ZNF226: variants seen among roughly 807,000 people sequenced by gnomAD.
The protein encoded by ZNF226 is Kruppel-associated box protein.
A neutral mutation model predicts 11.4 loss-of-function variants in ZNF226; 6 were observed. That is an observed-to-expected ratio of 0.53 (90% CI 0.29 to 1.04). The LOEUF (loss-of-function observed/expected upper bound fraction) is 1.04. ZNF226 is among the 50% of genes least tolerant of loss of function. The pLI is 0.08. For missense variants in ZNF226, 1,058 were observed against 956.5 expected, an observed-to-expected ratio of 1.11 and a Z score of -1.40; for synonymous variants, 350 against 322.8, an observed-to-expected ratio of 1.08 and a Z score of -0.90.
the ZNF226 span, among the ~76,000 whole-genome samples, chr19:44,194,044 C>T: frequency 6.6e-6 from 1 of 152,188 alleles, no homozygotes; most frequent in Non-Finnish European, 1.5e-5. Context: ...GTACCTGACA[C>T]AGAATTCATC....
rs201536922 is a variant in ZNF226 at position 44,177,404 on chromosome 19, T to G, written c.2142T>G (p.Leu714=). 6.2e-7 allele frequency: 1 copy of G among 1,614,100 alleles called. No homozygotes were observed. The highest frequency in any genetic ancestry group is 1.7e-5 in the Admixed American group (1 of 60,010). The change falls in exon 6 of 6, where the codon CTT becomes CTG. Residue 714 remains leucine (L), a synonymous_variant. Transcript: ENST00000337433. ...AGTACTTCAGTCAGGCCTCAAGTCT[T>G]CAACTTCATCAGAGTGTCCACACAG... ...CGKYFSQASS[L]QLHQSVHTGE...
At chr19:44,175,431 T>G (rs1970585400) in intron 5 of ZNF226, 67 bp from the exon 6 acceptor site, 4 of 1,513,252 alleles carry the variant, frequency 2.6e-6, no homozygotes, top group Non-Finnish European at 3.5e-6. Flanking sequence ...TACTCTGTCC[T>G]CAGTGTGAAA....
chr19:44,165,884 G>A (rs1310017794), intron 2 of ZNF226, 77 bp downstream of exon 2: 2 of 152,280 alleles, frequency 1.3e-5, no homozygotes, highest in Admixed American at 6.5e-5. Flanking sequence ...TTGGGCATGA[G>A]AAGTGATTAT....
At chr19:44,167,359 C>T (rs1269821206) in intron 2 of ZNF226, among the ~76,000 whole-genome samples, 2 of 116,718 alleles carry the variant, frequency 1.7e-5, no homozygotes, top group East Asian at 2.4e-4. Context: ...ACTTTTGTTG[C>T]CCAGGCTGGA....
intron 5 of ZNF226, 118 bp downstream of exon 5, chr19:44,173,070 C>T (rs1970291907): frequency 2.2e-6 from 2 of 929,474 alleles, no homozygotes; most frequent in East Asian, 2.6e-5. Flanking sequence ...ATTATTGCAA[C>T]ACCCTTTGTA....
chr19:44,190,036 C>G, the ZNF226 span, among the ~76,000 whole-genome samples: 3 of 152,114 alleles, frequency 2.0e-5, no homozygotes, highest in Non-Finnish European at 4.4e-5. Context: ...CCAGTCTGGT[C>G]TACAGTAGAT....
chr19:44,179,698 T>C (rs1405461614), downstream of ZNF226, among the ~76,000 whole-genome samples: 1 of 152,170 alleles, frequency 6.6e-6, no homozygotes, highest in African/African-American at 2.4e-5. Flanking sequence ...TGGCTTGTCT[T>C]TTCAAGTGCT....
At chr19:44,173,362 C>T (rs1329022699) in intron 5 of ZNF226, 12 of 264,800 alleles carry the variant, frequency 4.5e-5, no homozygotes, top group East Asian at 6.6e-5. Context: ...GATGCTTCTG[C>T]CTCACAACCC....
At chr19:44,196,405 A>G in the ZNF226 span, among the ~76,000 whole-genome samples, 61 of 152,316 alleles carry the variant, frequency 4.0e-4, 1 homozygote, top group Admixed American at 2.5e-3. Flanking sequence ...TACTAAATCC[A>G]ATCTGGCTAC....
the ZNF226 span, among the ~76,000 whole-genome samples, chr19:44,195,229 T>C: frequency 6.6e-6 from 1 of 152,136 alleles, no homozygotes; most frequent in Admixed American, 6.5e-5. Context: ...CAAATCCAGA[T>C]CCTGAATAAA....
chr19:44,194,195 G>C, the ZNF226 span, among the ~76,000 whole-genome samples: 1 of 152,170 alleles, frequency 6.6e-6, no homozygotes, highest in Admixed American at 6.5e-5. Context: ...TCCTTACATG[G>C]GAGACGTTTT....
Position 44,176,515 on chromosome 19 carries a change from C to G in ZNF226, c.1253C>G (p.Pro418Arg), listed in dbSNP as rs750867835. ...CAAAGAGTTCATACAGGAGAGAAAC[C>G]ATACAAATGTGAGGAGTGTGGTAAG... The part of the protein sequence containing the change: ...SHQRVHTGEK[P>R]YKCEECGKGF... Residue 418 changes from proline to arginine, a missense_variant, in exon 6 of 6, where the codon CCA becomes CGA. Pro to Arg is a moderately radical substitution (Grantham distance 103). Transcript: ENST00000337433. 3 of 1,614,094 alleles carry G rather than the reference C, an allele frequency of 1.9e-6. No individual in the cohort carries two copies. Among genetic ancestry groups the G allele is most frequent in the Non-Finnish European group, 1.7e-6 (2 of 1,180,016 alleles).
chr19:44,182,472 T>C (rs1970921106), downstream of ZNF226, among the ~76,000 whole-genome samples: 1 of 152,208 alleles, frequency 6.6e-6, no homozygotes, highest in South Asian at 2.1e-4. Flanking sequence ...GAACCAGTGT[T>C]ATAGAACATA....
At chr19:44,173,693 G>GGTTGCA (rs1375276664) in intron 5 of ZNF226, 1 of 152,238 alleles carries the variant, frequency 6.6e-6, no homozygotes, top group African/African-American at 2.4e-5. Flanking sequence ...AGGAGGCAGA[G>GGTTGCA]GTTGCAGTGA....
At chr19:44,195,526 G>A in the ZNF226 span, among the ~76,000 whole-genome samples, 2 of 152,216 alleles carry the variant, frequency 1.3e-5, no homozygotes, top group African/African-American at 2.4e-5. Context: ...GGTAAAGAAA[G>A]ACAAGGGCTT....
At chr19:44,172,282 T>C (rs564500831) in intron 4 of ZNF226, 68 bp downstream of exon 4, 54 of 1,545,190 alleles carry the variant, frequency 3.5e-5, no homozygotes, top group Middle Eastern at 1.9e-4. Flanking sequence ...GCCCTTGAAA[T>C]TGTTCCCTGA....
rs1298734933 is a variant in ZNF226, at chr19:44,177,605, A to C, written c.2343A>C (p.Lys781Asn). 6.2e-7 allele frequency: 1 copy of C among 1,613,908 alleles called. No individual in the cohort carries two copies. The highest frequency in any genetic ancestry group is 8.5e-7 in the Non-Finnish European group (1 of 1,179,842). The stretch of plus-strand genomic sequence containing the variant: ...ATCACAGAATCCATGTTGGTGATAA[A>C]TCCTATAAAAGTAATAGGGGTGGTA... ...TVHHRIHVGDKSYKSNRGGKN... is the reference protein window; with the variant it reads ...TVHHRIHVGDNSYKSNRGGKN... Residue 781 changes from lysine (K) to asparagine (N), a missense_variant, in exon 6 of 6, where the codon AAA (lysine) becomes AAC (asparagine). Coordinates refer to ENST00000337433, the MANE Select transcript of ZNF226 (RefSeq NM_001032373.2).
At chr19:44,179,059 A>G (rs1405443163), downstream of ZNF226, among the ~76,000 whole-genome samples, 3 of 152,186 alleles carry the variant, frequency 2.0e-5, no homozygotes, top group African/African-American at 7.2e-5. Flanking sequence ...GCGTGCCTGT[A>G]ATCCCAGTTA....
chr19:44,170,011 A>G, intron 2 of ZNF226, 24 bp from the exon 3 acceptor site: 1 of 1,538,140 alleles, frequency 6.5e-7, no homozygotes, highest in Non-Finnish European at 8.8e-7. Flanking sequence ...CCCAGTTTTG[A>G]TTTATTTCTC....
Sources: gnomAD v4.1 joint callset for allele counts (sites outside exome capture counted in the v4.1 genomes callset) on GRCh38, gnomAD v4.1.1 for gene constraint, MANE v1.5 for transcripts, NCBI Gene and HGNC (gene_info 2026-07-23, HGNC 2026-07-21) for gene names.